Variants in EEFSEC observed in about 807,000 individuals in gnomAD.
EEFSEC encodes the protein selenocysteine-specific elongation factor.
In EEFSEC, 43 loss-of-function variants were observed where a neutral mutation model predicts 42.1. That is an observed-to-expected ratio of 1.02 (90% confidence interval 0.80 to 1.32). The LOEUF (loss-of-function observed/expected upper bound fraction) is 1.32. EEFSEC is among the 40% of genes most tolerant of loss of function. The pLI, the probability that EEFSEC is intolerant of heterozygous loss-of-function variation, is 0.00. For synonymous variants in EEFSEC, 354 were observed against 339.1 expected (o/e 1.04, Z -0.48); for missense variants, 745 against 803.6 (o/e 0.93, Z 0.88).
chr3:128,303,566 GTTTC>G, intron 4 of EEFSEC, among the ~76,000 whole-genome samples: 1 of 152,254 alleles, frequency 6.6e-6, no homozygotes, highest in South Asian at 2.1e-4. Flanking sequence ...ATACTAGGCT[GTTTC>G]TTTCTTATTA....
intron 1 of EEFSEC, among the ~76,000 whole-genome samples, chr3:128,217,924 G>T (rs888487587): frequency 6.6e-6 from 1 of 152,180 alleles, no homozygotes; most frequent in Non-Finnish European, 1.5e-5. Flanking sequence ...ACTCTTTCAG[G>T]TACATTTCAT....
chr3:128,257,414 G>A (rs1372638032), intron 2 of EEFSEC, among the ~76,000 whole-genome samples: 2 of 152,164 alleles, frequency 1.3e-5, no homozygotes, highest in Non-Finnish European at 2.9e-5. Context: ...TGCCCAGCTC[G>A]TCTTTTCTTC....
rs371900986 is a variant in EEFSEC at position 128,388,184 on chromosome 3, CT to C, written c.1601-19878del. Among the ~76,000 whole-genome samples, 427 of 152,286 alleles carry C rather than the reference CT, an allele frequency of 2.8e-3. 1 individual carries two copies. Among genetic ancestry groups the C allele is most frequent in the African/African-American group, 9.6e-3 (398 of 41,558 alleles). ...CATTGCTCCCGCTCTTAGAGTCTTCCTTTTTTTAATATCCAATTTGGTCGCC... is the reference window on the plus strand; with the variant it reads ...CATTGCTCCCGCTCTTAGAGTCTTCCTTTTTTAATATCCAATTTGGTCGCC... On this transcript the variant is annotated intron_variant, in intron 6 of 6. Transcript: ENST00000254730.
chr3:128,357,858 G>T (rs768060948), intron 5 of EEFSEC, among the ~76,000 whole-genome samples: 1 of 139,408 alleles, frequency 7.2e-6, no homozygotes, highest in Non-Finnish European at 1.5e-5. Context: ...TATCCCCTGT[G>T]CTCTGTGACC....
At chr3:128,392,389 C>T (rs1374335318) in intron 6 of EEFSEC, among the ~76,000 whole-genome samples, 2 of 152,200 alleles carry the variant, frequency 1.3e-5, no homozygotes, top group Non-Finnish European at 2.9e-5. Context: ...GGGCCCTGCC[C>T]ACCAGGCATG....
At chr3:128,358,411 T>G in intron 6 of EEFSEC, 38 bp downstream of exon 6, 2 of 1,610,568 alleles carry the variant, frequency 1.2e-6, no homozygotes, top group South Asian at 2.2e-5. Context: ...AGGGACACCG[T>G]GCAGGGCACA....
At chr3:128,338,565 A>G (rs2067216223) in intron 4 of EEFSEC, among the ~76,000 whole-genome samples, 1 of 152,224 alleles carries the variant, frequency 6.6e-6, no homozygotes, top group African/African-American at 2.4e-5. Flanking sequence ...GGAATTTGCC[A>G]GTGGAAGAAA....
chr3:128,353,853 A>G (rs1302140936), intron 5 of EEFSEC, among the ~76,000 whole-genome samples: 1 of 152,238 alleles, frequency 6.6e-6, no homozygotes, highest in Admixed American at 6.5e-5. Context: ...TTTCCTAAAG[A>G]TTAAATAATG....
chr3:128,227,816 C>T (rs899506567), intron 1 of EEFSEC, among the ~76,000 whole-genome samples: 4 of 152,178 alleles, frequency 2.6e-5, no homozygotes, highest in Non-Finnish European at 4.4e-5. Flanking sequence ...TCTGAGGGCC[C>T]ATCCTCCCCT....
rs142564340 is a variant in EEFSEC, at chr3:128,292,381, T to A, written c.786+27600T>A. Among the ~76,000 whole-genome samples the A allele has an allele frequency of 1.4e-4, 21 of 152,084 alleles. No homozygotes were observed. The East Asian group carries it at 3.7e-3, about 27-fold the overall frequency. ...TTTTTTTATTATCTGAAATAATATG[T>A]TTAAAGTTGGTATCACTTCTTGCTT... On this transcript the variant is annotated intron_variant, in intron 4 of 6. Transcript: ENST00000254730.
intron 2 of EEFSEC, among the ~76,000 whole-genome samples, chr3:128,251,275 G>A (rs1005729309): frequency 3.3e-5 from 5 of 152,090 alleles, no homozygotes; most frequent in Admixed American, 6.5e-5. Flanking sequence ...AAGCCTTAAG[G>A]TGAACATCTC....
intron 6 of EEFSEC, among the ~76,000 whole-genome samples, chr3:128,404,500 C>T (rs1187570537): frequency 6.6e-6 from 1 of 152,268 alleles, no homozygotes; most frequent in Non-Finnish European, 1.5e-5. Flanking sequence ...TCTCAGCCTC[C>T]AGACCTCCTG....
chr3:128,255,540 G>A lies in EEFSEC; in HGVS notation c.525-6588G>A, dbSNP rs72973478. ...CAGCCCCTCACCCCCATTGCTCTTG[G>A]GAGCCCTTTGTGTATTCATTGTGCA... On this transcript the variant is annotated intron_variant, in intron 2 of 6. Coordinates refer to ENST00000254730, the MANE Select transcript of EEFSEC (RefSeq NM_021937.5). Among the ~76,000 whole-genome samples, 305 of 152,290 alleles carry A rather than the reference G, an allele frequency of 2.0e-3. 1 individual carries two copies. The highest frequency in any genetic ancestry group is 7.0e-3 in the African/African-American group (291 of 41,552).
chr3:128,214,772 C>T (rs554303348), intron 1 of EEFSEC, among the ~76,000 whole-genome samples: 6 of 152,260 alleles, frequency 3.9e-5, no homozygotes, highest in East Asian at 1.9e-4. Context: ...CTTCATTTCC[C>T]GGAGGGAAAC....
chr3:128,298,101 T>TG (rs1253298836), intron 4 of EEFSEC, among the ~76,000 whole-genome samples: 1 of 152,210 alleles, frequency 6.6e-6, no homozygotes, highest in African/African-American at 2.4e-5. Flanking sequence ...TTGGAACAAA[T>TG]GGGGGCATAT....
intron 4 of EEFSEC, among the ~76,000 whole-genome samples, chr3:128,282,672 G>C (rs7374227): frequency 0.84 from 127,515 of 152,144 alleles, 53,933 homozygotes; most frequent in East Asian, 0.99. Context: ...GGTATGTGAA[G>C]ATTTTCATCA....
intron 4 of EEFSEC, among the ~76,000 whole-genome samples, chr3:128,273,844 C>A (rs1456447995): frequency 6.6e-6 from 1 of 152,162 alleles, no homozygotes; most frequent in Admixed American, 6.5e-5. Flanking sequence ...GTGGTGCTGC[C>A]CCACTGCTGA....
intron 1 of EEFSEC, among the ~76,000 whole-genome samples, chr3:128,245,744 G>A (rs2107896341): frequency 6.6e-6 from 1 of 152,272 alleles, no homozygotes; most frequent in African/African-American, 2.4e-5. Flanking sequence ...CCATGTCTGT[G>A]AGTCTCCGTT....
chr3:128,412,492 G>A (rs1415314759), downstream of EEFSEC, among the ~76,000 whole-genome samples: 1 of 152,226 alleles, frequency 6.6e-6, no homozygotes, highest in African/African-American at 2.4e-5. Flanking sequence ...GGGGCTGCAT[G>A]GGCAAGGTCT....
Sources: gnomAD v4.1 joint callset for allele counts (sites outside exome capture counted in the v4.1 genomes callset) on GRCh38, gnomAD v4.1.1 for gene constraint, MANE v1.5 for transcripts, NCBI Gene and HGNC (gene_info 2026-07-23, HGNC 2026-07-21) for gene names.